Variants in LRRTM4 observed in about 807,000 individuals in gnomAD.
LRRTM4 encodes the protein leucine-rich repeat transmembrane neuronal protein 4.
LRRTM4 carries 25 observed loss-of-function variants against 47.6 expected under a neutral mutation model. The observed-to-expected ratio is 0.53, with a 90% CI of 0.38 to 0.73. The LOEUF is 0.73. LRRTM4 is among the 30% of genes least tolerant of loss of function. The pLI is 0.00. For synonymous variants in LRRTM4, 311 were observed against 269.5 expected, an observed-to-expected ratio of 1.15 and a Z score of -1.51; for missense variants, 638 against 713.4, an observed-to-expected ratio of 0.89 and a Z score of 1.20.
intron 3 of LRRTM4, among the ~76,000 whole-genome samples, chr2:77,038,513 T>C (rs1023129401): frequency 6.6e-6 from 1 of 151,574 alleles, no homozygotes; most frequent in Non-Finnish European, 1.5e-5. Flanking sequence ...ATTGTGTATG[T>C]CACATGCCCA....
intron 3 of LRRTM4, among the ~76,000 whole-genome samples, chr2:77,130,164 A>G (rs775366223): frequency 3.3e-5 from 5 of 152,224 alleles, no homozygotes; most frequent in Admixed American, 6.5e-5. Context: ...GTGCTTTGTA[A>G]TAAATCTATT....
At chr2:77,491,609 T>C (rs181639056) in intron 3 of LRRTM4, among the ~76,000 whole-genome samples, 32 of 151,534 alleles carry the variant, frequency 2.1e-4, no homozygotes, top group Admixed American at 2.0e-3. Flanking sequence ...ATCCACAAAA[T>C]ACTAAAGAAA....
chr2:76,764,254 C>T (rs184753817), intron 3 of LRRTM4, among the ~76,000 whole-genome samples: 2 of 151,838 alleles, frequency 1.3e-5, no homozygotes, highest in African/African-American at 4.8e-5. Flanking sequence ...ATGCATATTG[C>T]AAAAAAGAAA....
chr2:77,256,531 C>A (rs1675771860), intron 3 of LRRTM4, among the ~76,000 whole-genome samples: 1 of 152,014 alleles, frequency 6.6e-6, no homozygotes, highest in Admixed American at 6.6e-5. Context: ...AGAGCTGTTC[C>A]ATGATAGTGA....
chr2:77,005,710 A>G (rs1002160142), intron 3 of LRRTM4, among the ~76,000 whole-genome samples: 3 of 152,136 alleles, frequency 2.0e-5, no homozygotes, highest in African/African-American at 7.2e-5. Flanking sequence ...CATGTAAGAC[A>G]TGACTTTGCT....
chr2:77,160,387 T>C (rs962720228), intron 3 of LRRTM4, among the ~76,000 whole-genome samples: 17 of 152,106 alleles, frequency 1.1e-4, no homozygotes, highest in African/African-American at 4.1e-4. Context: ...GTCCTTATGA[T>C]CTTCTGATCT....
At chr2:76,953,901 A>G (rs952678505) in intron 3 of LRRTM4, among the ~76,000 whole-genome samples, 3 of 151,922 alleles carry the variant, frequency 2.0e-5, no homozygotes, top group Non-Finnish European at 2.9e-5. Context: ...AGCTTATGAC[A>G]GTATCAGAGA....
intron 3 of LRRTM4, among the ~76,000 whole-genome samples, chr2:76,845,783 C>T (rs917607501): frequency 2.0e-5 from 3 of 151,930 alleles, no homozygotes; most frequent in Non-Finnish European, 4.4e-5. Context: ...ATGAGTAGGG[C>T]TTTGGTAAGG....
chr2:77,070,831 A>C (rs1374133035), intron 3 of LRRTM4, among the ~76,000 whole-genome samples: 1 of 152,150 alleles, frequency 6.6e-6, no homozygotes. Flanking sequence ...GGGTTTCACC[A>C]TGTTGGCCAG....
intron 3 of LRRTM4, among the ~76,000 whole-genome samples, chr2:76,810,378 C>T (rs1458272051): frequency 1.3e-5 from 2 of 152,260 alleles, no homozygotes; most frequent in East Asian, 3.9e-4. Flanking sequence ...AACCTAATTT[C>T]ACCAAAAGGA....
chr2:77,498,873 G>A (rs1181112115), intron 3 of LRRTM4, among the ~76,000 whole-genome samples: 2 of 151,796 alleles, frequency 1.3e-5, no homozygotes, highest in African/African-American at 4.8e-5. Flanking sequence ...TTTGTTAAAT[G>A]CCTGCACACA....
intron 3 of LRRTM4, among the ~76,000 whole-genome samples, chr2:76,951,988 G>A (rs374204318): frequency 6.6e-6 from 1 of 151,804 alleles, no homozygotes; most frequent in Non-Finnish European, 1.5e-5. Flanking sequence ...ATAGTATTCC[G>A]TGGTGTATAT....
At chr2:76,887,748 A>T (rs993055572) in intron 3 of LRRTM4, among the ~76,000 whole-genome samples, 1 of 150,476 alleles carries the variant, frequency 6.6e-6, no homozygotes, top group Non-Finnish European at 1.5e-5. Flanking sequence ...AAAGTTTAAA[A>T]ATCCAAATTG....
intron 3 of LRRTM4, among the ~76,000 whole-genome samples, chr2:77,273,075 A>G (rs6706105): frequency 6.6e-6 from 1 of 152,158 alleles, no homozygotes; most frequent in Non-Finnish European, 1.5e-5. Flanking sequence ...TAATGGGACC[A>G]CTTTAATCAA....
chr2:77,085,179 T>C (rs1680668514), intron 3 of LRRTM4, among the ~76,000 whole-genome samples: 2 of 152,036 alleles, frequency 1.3e-5, no homozygotes, highest in South Asian at 2.1e-4. Flanking sequence ...TTTAGGCTAC[T>C]ATTGGTCTTT....
At chr2:76,899,295 G>A (rs1482608107) in intron 3 of LRRTM4, among the ~76,000 whole-genome samples, 1 of 149,178 alleles carries the variant, frequency 6.7e-6, no homozygotes, top group Non-Finnish European at 1.5e-5. Flanking sequence ...ATTGGAGGGA[G>A]AGAAAGACTA....
intron 3 of LRRTM4, among the ~76,000 whole-genome samples, chr2:77,217,868 G>T (rs904285321): frequency 6.6e-6 from 1 of 152,084 alleles, no homozygotes; most frequent in Non-Finnish European, 1.5e-5. Context: ...AACACAATGT[G>T]TATGTTATTA....
At chr2:77,392,339 T>C (rs1448819046) in intron 3 of LRRTM4, among the ~76,000 whole-genome samples, 1 of 151,926 alleles carries the variant, frequency 6.6e-6, no homozygotes, top group Admixed American at 6.6e-5. Context: ...AACTAAACTG[T>C]AGCCCAACCG....
At chr2:76,801,440 C>T (rs1164321502) in intron 3 of LRRTM4, among the ~76,000 whole-genome samples, 4 of 151,948 alleles carry the variant, frequency 2.6e-5, no homozygotes, top group Non-Finnish European at 5.9e-5. Flanking sequence ...CGCATATTCT[C>T]ACTCATAGGT....
Sources: gnomAD v4.1 joint callset for allele counts (sites outside exome capture counted in the v4.1 genomes callset) on GRCh38, gnomAD v4.1.1 for gene constraint, MANE v1.5 for transcripts, NCBI Gene and HGNC (gene_info 2026-07-23, HGNC 2026-07-21) for gene names.